The following RPH3A variants were observed in gnomAD, a reference collection of about 807,000 sequenced individuals.
RPH3A encodes the protein rabphilin-3A.
In RPH3A, 48 loss-of-function variants were observed where a neutral mutation model predicts 102.2. The observed-to-expected ratio is 0.47, with a 90% confidence interval of 0.37 to 0.60. The LOEUF (loss-of-function observed/expected upper bound fraction) is 0.60, where lower values mean the gene tolerates loss of function less well. Among genes scored for constraint, RPH3A ranks in the 20% least tolerant of loss-of-function variants. The pLI is 0.00. For synonymous variants in RPH3A, 310 were observed against 324.3 expected, an observed-to-expected ratio of 0.96 and a Z score of 0.47; for missense variants, 781 against 910.1, an observed-to-expected ratio of 0.86 and a Z score of 1.83.
intron 2 of RPH3A, among the ~76,000 whole-genome samples, chr12:112,820,836 A>G (rs912116582): frequency 3.9e-5 from 6 of 152,052 alleles, no homozygotes; most frequent in Non-Finnish European, 5.9e-5. Flanking sequence ...TGTTATTGCT[A>G]TGTGGCAATG....
chr12:112,862,024 A>AG (rs2042526035), intron 5 of RPH3A, among the ~76,000 whole-genome samples: 2 of 151,840 alleles, frequency 1.3e-5, no homozygotes, highest in African/African-American at 4.8e-5. Flanking sequence ...AAAAAAAAAA[A>AG]AAAAAAAAAA....
At chr12:112,843,308 A>C (rs2042176737) in intron 4 of RPH3A, among the ~76,000 whole-genome samples, 1 of 152,170 alleles carries the variant, frequency 6.6e-6, no homozygotes. Flanking sequence ...AAAACATGAA[A>C]ATCCACAGGA....
At chr12:112,728,867 A>C (rs1412816256) in intron 1 of RPH3A, among the ~76,000 whole-genome samples, 1 of 152,196 alleles carries the variant, frequency 6.6e-6, no homozygotes, top group Non-Finnish European at 1.5e-5. Context: ...TTGGGATACT[A>C]GAAGCAAGGG....
At chr12:112,618,742 C>T (rs894251031) in intron 1 of RPH3A, among the ~76,000 whole-genome samples, 5 of 152,050 alleles carry the variant, frequency 3.3e-5, no homozygotes, top group African/African-American at 1.2e-4. Flanking sequence ...CCATGTAAAG[C>T]GAGCCACTCA....
In RPH3A at chr12:112,616,878, C is replaced by G. The variant is rs373044347; in HGVS notation, c.-140+41559C>G. On this transcript the variant is annotated intron_variant, in intron 1 of 21. Coordinates refer to the RPH3A transcript ENST00000543106. ...AGCTTCCTGGCAGAGACAAAGGAGA[C>G]TACAGTCTTTCTCAGCTCAGCTGGG... 4.9e-4 allele frequency among the ~76,000 whole-genome samples: 75 copies of G among 152,324 alleles called. 1 individual carries two copies. The highest frequency in any genetic ancestry group is 1.6e-3 in the African/African-American group (67 of 41,574).
intron 3 of RPH3A, among the ~76,000 whole-genome samples, chr12:112,831,209 GTCTC>G (rs2041965388): frequency 7.5e-6 from 1 of 132,850 alleles, no homozygotes; most frequent in Non-Finnish European, 1.6e-5. Context: ...TCTTGTTTTT[GTCTC>G]TCTTTTTCTA....
chr12:112,820,347 C>A (rs1565899563), intron 2 of RPH3A, among the ~76,000 whole-genome samples: 3 of 152,188 alleles, frequency 2.0e-5, no homozygotes, highest in Non-Finnish European at 4.4e-5. Flanking sequence ...CGTTTTCTTT[C>A]TTGCCTTCAT....
At chr12:112,726,875 T>G (rs1345442843) in intron 1 of RPH3A, among the ~76,000 whole-genome samples, 1 of 151,840 alleles carries the variant, frequency 6.6e-6, no homozygotes, top group Non-Finnish European at 1.5e-5. Flanking sequence ...ATACAAAAAT[T>G]AGATGGGCGT....
intron 2 of RPH3A, among the ~76,000 whole-genome samples, chr12:112,817,192 T>C (rs1288508289): frequency 6.6e-6 from 1 of 152,196 alleles, no homozygotes; most frequent in Non-Finnish European, 1.5e-5. Context: ...CTATGCACTA[T>C]CATTGTTGAT....
intron 2 of RPH3A, among the ~76,000 whole-genome samples, chr12:112,799,194 C>T (rs1047669509): frequency 1.3e-5 from 2 of 152,160 alleles, no homozygotes; most frequent in Non-Finnish European, 2.9e-5. Context: ...TGAGACCAGC[C>T]TGGGCAACAT....
At chr12:112,843,819 T>C (rs1593071856) in intron 4 of RPH3A, among the ~76,000 whole-genome samples, 1 of 151,998 alleles carries the variant, frequency 6.6e-6, no homozygotes, top group African/African-American at 2.4e-5. Context: ...GCAGGTGAAG[T>C]GTCCATTTCC....
chr12:112,893,648 T>C (rs11612480), intron 19 of RPH3A: 78,985 of 152,066 alleles, frequency 0.52, 22,072 homozygotes, highest in African/African-American at 0.72. Context: ...CCACCTCAGC[T>C]TCCTGAGTAC....
In RPH3A at chr12:112,619,861, C is replaced by A. The variant is rs2135979579; in HGVS notation, c.-140+44542C>A. Among the ~76,000 whole-genome samples, 2 of 152,166 alleles carry A rather than the reference C, an allele frequency of 1.3e-5. 1 individual carries two copies. Among genetic ancestry groups the A allele is most frequent in the South Asian group, 4.2e-4 (2 of 4,818 alleles). On this transcript the variant is annotated intron_variant, in intron 1 of 21. Transcript: ENST00000543106. ...AATAATATTCTATTGGATAAATATACCCTACTGATTTTATCAATTCCCTTT... is the reference window on the plus strand; with the variant it reads ...AATAATATTCTATTGGATAAATATAACCTACTGATTTTATCAATTCCCTTT...
Position 112,862,572 on chromosome 12 carries a change from T to C in RPH3A, c.231-2842T>C, listed in dbSNP as rs137944273. On this transcript the variant is annotated intron_variant, in intron 5 of 21. Transcript: ENST00000389385. ...CTTCCTGCCCCCTCCAATCATCCTA[T>C]AGAAATAACTTCTAGGGAAGATGGG... 9.2e-4 allele frequency among the ~76,000 whole-genome samples: 140 copies of C among 152,240 alleles called. 1 individual carries two copies. The highest frequency in any genetic ancestry group is 1.3e-3 in the Non-Finnish European group (88 of 68,004).
At chr12:112,656,462 G>C (rs570845429) in intron 1 of RPH3A, among the ~76,000 whole-genome samples, 1 of 152,276 alleles carries the variant, frequency 6.6e-6, no homozygotes, top group East Asian at 1.9e-4. Context: ...TTCCTCAGTT[G>C]CACTGATGGG....
intron 5 of RPH3A, among the ~76,000 whole-genome samples, chr12:112,849,081 C>A (rs2042279230): frequency 6.6e-6 from 1 of 152,170 alleles, no homozygotes; most frequent in Admixed American, 6.5e-5. Flanking sequence ...CACTGAGATG[C>A]CCACTGATTC....
rs370393453 is a variant in RPH3A, at chr12:112,856,311, C to T, written c.230+8469C>T. ...TGAATGTTTCTGAGGTCAGTTTGGG[C>T]TTTTTGTGGGAGGCTGAGCATCAGA... On this transcript the variant is annotated intron_variant, in intron 5 of 21. Coordinates refer to ENST00000389385, the MANE Select transcript of RPH3A (RefSeq NM_001143854.2). Among the ~76,000 whole-genome samples the T allele has an allele frequency of 1.5e-4, 23 of 152,316 alleles. No individual in the cohort carries two copies. In the East Asian group the frequency reaches 3.7e-3, roughly 24 times the overall value.
chr12:112,747,324 G>A (rs941182581), intron 1 of RPH3A, among the ~76,000 whole-genome samples: 2 of 152,184 alleles, frequency 1.3e-5, no homozygotes, highest in Admixed American at 6.5e-5. Flanking sequence ...TCCACCATGT[G>A]AGGACACAGT....
At chr12:112,682,351 CTTTCTTTT>C (rs368961903) in intron 1 of RPH3A, among the ~76,000 whole-genome samples, 3,370 of 77,682 alleles carry the variant, frequency 0.043, 59 homozygotes, top group Middle Eastern at 0.12. Flanking sequence ...TTTTTTCTTT[CTTTCTTTT>C]TTTTTTTTTT....
Sources: allele counts gnomAD v4.1 joint callset (sites outside exome capture counted in the v4.1 genomes callset), GRCh38; gene constraint gnomAD v4.1.1; transcripts MANE v1.5; gene names NCBI Gene and HGNC (gene_info 2026-07-23, HGNC 2026-07-21).